LAMC1: variants seen among roughly 807,000 people sequenced by gnomAD.
LAMC1 encodes the protein laminin subunit gamma 1.
Under a neutral mutation model 173.6 loss-of-function variants are expected in LAMC1, and 38 were observed. The ratio of observed to expected loss-of-function variants is 0.22; its 90% confidence interval spans 0.17 to 0.29. The LOEUF is 0.29. LAMC1 is among the 10% of genes least tolerant of loss of function. The pLI is 1.00. For synonymous variants in LAMC1, 746 were observed against 749.1 expected (o/e 1.00, Z 0.07); for missense variants, 1,824 against 2,051.8 (o/e 0.89, Z 2.14).
chr1:183,080,911 G>A (rs1280732926), intron 1 of LAMC1, among the ~76,000 whole-genome samples: 1 of 151,768 alleles, frequency 6.6e-6, no homozygotes, highest in Non-Finnish European at 1.5e-5. Flanking sequence ...TTTTTGAGAC[G>A]GAGTTTTGCT....
At position 183,028,330 on chromosome 1, in the gene LAMC1, A is replaced by G. The variant is rs537567002; in HGVS notation, c.418+4196A>G. 7.4e-4 allele frequency among the ~76,000 whole-genome samples: 112 copies of G among 152,306 alleles called. No individual in the cohort carries two copies. The Middle Eastern group carries it at 0.014, about 19-fold the overall frequency. On this transcript the variant is annotated intron_variant, in intron 1 of 27. Coordinates refer to ENST00000258341, the MANE Select transcript of LAMC1 (RefSeq NM_002293.4). ...ATATTCTGCAAACATTTTAAAAAATACTCTTGAAATACATACCACTGTACC... is the reference window on the plus strand; with the variant it reads ...ATATTCTGCAAACATTTTAAAAAATGCTCTTGAAATACATACCACTGTACC...
intron 2 of LAMC1, among the ~76,000 whole-genome samples, chr1:183,105,144 G>A (rs1221830274): frequency 7.3e-6 from 1 of 137,804 alleles, no homozygotes; most frequent in Non-Finnish European, 1.5e-5. Context: ...AGAATCACTT[G>A]AACCCGGGAG....
intron 1 of LAMC1, among the ~76,000 whole-genome samples, chr1:183,097,613 AAGAC>A: frequency 6.6e-6 from 1 of 152,184 alleles, no homozygotes; most frequent in Non-Finnish European, 1.5e-5. Context: ...ATCCAATTCT[AAGAC>A]AAGAAGAGTT....
intron 1 of LAMC1, among the ~76,000 whole-genome samples, chr1:183,066,617 A>G (rs1370832737): frequency 1.3e-5 from 2 of 152,240 alleles, no homozygotes; most frequent in Non-Finnish European, 2.9e-5. Context: ...ATGGAATACT[A>G]TGCAGCCATA....
intron 1 of LAMC1, among the ~76,000 whole-genome samples, chr1:183,102,065 C>T (rs1655848219): frequency 6.6e-6 from 1 of 152,144 alleles, no homozygotes; most frequent in Non-Finnish European, 1.5e-5. Flanking sequence ...GAGGCAGAGC[C>T]CCACTGTGTT....
intron 1 of LAMC1, among the ~76,000 whole-genome samples, chr1:183,100,583 A>G (rs988397419): frequency 6.6e-6 from 1 of 152,042 alleles, no homozygotes; most frequent in South Asian, 2.1e-4. Flanking sequence ...AGCATTCCTC[A>G]TGTCTTGGAT....
At chr1:183,035,980 T>A (rs908317360) in intron 1 of LAMC1, among the ~76,000 whole-genome samples, 7 of 152,172 alleles carry the variant, frequency 4.6e-5, no homozygotes, top group Non-Finnish European at 8.8e-5. Flanking sequence ...TCCACTCCCC[T>A]ATTTTTCCTA....
At chr1:183,122,785 G>A (rs4652776) in intron 13 of LAMC1, among the ~76,000 whole-genome samples, 78,722 of 151,860 alleles carry the variant, frequency 0.52, 21,097 homozygotes, top group South Asian at 0.65. Context: ...TTTATCCCAT[G>A]GCCCCTTCTC....
chr1:183,047,167 A>G (rs915966101), intron 1 of LAMC1, among the ~76,000 whole-genome samples: 1 of 152,136 alleles, frequency 6.6e-6, no homozygotes, highest in African/African-American at 2.4e-5. Context: ...GTTGCTGTTC[A>G]TACTGTTTGA....
At chr1:183,134,376 AG>A (rs1238728297) in intron 22 of LAMC1, among the ~76,000 whole-genome samples, 1 of 152,208 alleles carries the variant, frequency 6.6e-6, no homozygotes, top group African/African-American at 2.4e-5. Flanking sequence ...TCGGGTGGAA[AG>A]GGAGAAAAGG....
Position 183,077,776 on chromosome 1 carries a change from G to GTGTGTGTGTGTATATATATA in LAMC1, c.419-25551_419-25550insGTGTGTGTGTATATATATAT. Among the ~76,000 whole-genome samples, 42 of 116,538 alleles carry GTGTGTGTGTGTATATATATA rather than the reference G, an allele frequency of 3.6e-4. 1 individual carries two copies. Among genetic ancestry groups the GTGTGTGTGTGTATATATATA allele is most frequent in the Non-Finnish European group, 5.6e-4 (30 of 53,152 alleles). 76.5% of individuals were successfully genotyped at this position (116,538 alleles called of 152,430 possible). The stretch of plus-strand genomic sequence containing the variant: ...TGAATAGTATTTTTATGGCCATTGT[G>GTGTGTGTGTGTATATATATA]TATATATATATATATATATACAGTA... On this transcript the variant is annotated intron_variant, in intron 1 of 27. Transcript: ENST00000258341.
At chr1:183,139,574 C>A (rs534749422) in intron 26 of LAMC1, among the ~76,000 whole-genome samples, 2 of 152,214 alleles carry the variant, frequency 1.3e-5, no homozygotes, top group South Asian at 4.2e-4. Context: ...CTTTCTTGTT[C>A]TTTTTTAAAT....
chr1:183,116,819 C>T lies in LAMC1; in HGVS notation c.1480C>T (p.Pro494Ser), dbSNP rs774597415. 6.2e-6 allele frequency: 10 copies of T among 1,613,958 alleles called. No homozygotes were observed. The South Asian group carries it at 1.1e-4, about 18-fold the overall frequency. ...ATCATCTAATCCTCGGGGTTGCACACCCTGCTTCTGCTTTGGGCATTCTTC... is the reference window on the plus strand; with the variant it reads ...ATCATCTAATCCTCGGGGTTGCACATCCTGCTTCTGCTTTGGGCATTCTTC... Reference protein sequence around the residue: ...LESSNPRGCTPCFCFGHSSVC... With the variant: ...LESSNPRGCTSCFCFGHSSVC... The change falls in exon 8 of 28, where the codon CCC becomes TCC. Residue 494 changes from proline to serine, a missense_variant. By Grantham distance (74) the Pro-to-Ser change is moderately conservative. Transcript: ENST00000258341.
Position 183,128,695 on chromosome 1 carries a change from A to G in LAMC1, c.3225A>G (p.Leu1075=). Residue 1075 remains leucine (L), a synonymous_variant, in exon 18 of 28, where the codon CTA becomes CTG. Coordinates refer to ENST00000258341, the MANE Select transcript of LAMC1 (RefSeq NM_002293.4). ...MVTDQAFEDR[L]KEAEREVMDL... ...CAGATCAAGCCTTCGAGGATAGACT[A>G]AAGGAAGCAGAGAGGGAAGTTATGG... 1 of 1,613,726 alleles carries G rather than the reference A, an allele frequency of 6.2e-7. No individual in the cohort carries two copies. The highest frequency in any genetic ancestry group is 8.5e-7 in the Non-Finnish European group (1 of 1,179,696).
chr1:183,066,307 C>G lies in LAMC1; in HGVS notation c.419-37021C>G, dbSNP rs116783017. Among the ~76,000 whole-genome samples the G allele has an allele frequency of 4.1e-3, 624 of 152,232 alleles. 1 individual carries two copies. The highest frequency in any genetic ancestry group is 7.3e-3 in the Non-Finnish European group (498 of 68,000). ...ACTGAGGTATCCTGAAAAGCATCTG[C>G]CATGCTGGAGAGGATGTGGGGAAAT... On this transcript the variant is annotated intron_variant, in intron 1 of 27. Coordinates refer to ENST00000258341, the MANE Select transcript of LAMC1 (RefSeq NM_002293.4).
intron 1 of LAMC1, among the ~76,000 whole-genome samples, chr1:183,084,482 TTTAGA>T: frequency 6.6e-6 from 1 of 152,304 alleles, no homozygotes; most frequent in South Asian, 2.1e-4. Flanking sequence ...AACAAAACAC[TTTAGA>T]TTACATATCC....
Position 183,117,737 on chromosome 1 carries a change from CT to C in LAMC1, c.1877+17del, listed in dbSNP as rs748788296. On this transcript the variant is annotated intron_variant, in intron 10 of 27. Coordinates refer to ENST00000258341, the MANE Select transcript of LAMC1 (RefSeq NM_002293.4). ...GTATGTCTTCAGGTAAGATAGCCTT[CT>C]TTGTAAAGTGAGACTTGACGAACAT... 1 of 1,602,742 alleles carries C rather than the reference CT, an allele frequency of 6.2e-7. No individual in the cohort carries two copies. Among genetic ancestry groups the C allele is most frequent in the Admixed American group, 1.7e-5 (1 of 59,546 alleles).
chr1:183,086,642 C>T (rs1655436440), intron 1 of LAMC1, among the ~76,000 whole-genome samples: 4 of 152,132 alleles, frequency 2.6e-5, no homozygotes, highest in Admixed American at 1.3e-4. Flanking sequence ...AATTGTAAGC[C>T]TTTAAAATAG....
In LAMC1 at chr1:183,134,774, A is replaced by C; in HGVS notation, c.3964A>C (p.Lys1322Gln). 6.2e-7 allele frequency: 1 copy of C among 1,613,798 alleles called. No homozygotes were observed. The highest frequency in any genetic ancestry group is 8.5e-7 in the Non-Finnish European group (1 of 1,179,936). Residue 1322 changes from lysine to glutamine, a missense_variant, in exon 23 of 28, where the codon AAG becomes CAG. Physicochemically the swap from Lys to Gln is moderately conservative, Grantham distance 53. Coordinates refer to ENST00000258341, the MANE Select transcript of LAMC1 (RefSeq NM_002293.4). ...TATGAGAGGGAAGGAACTTGAAGTC[A>C]AGAACCTTCTGGAGAAAGGCAAGAC... ...EDMRGKELEV[K>Q]NLLEKGKTEQ...
Sources: allele counts gnomAD v4.1 joint callset (sites outside exome capture counted in the v4.1 genomes callset), GRCh38; gene constraint gnomAD v4.1.1; transcripts MANE v1.5; gene names NCBI Gene and HGNC (gene_info 2026-07-23, HGNC 2026-07-21).